Variants in UGGT1 observed in about 807,000 individuals in gnomAD.
The protein encoded by UGGT1 is UDP-glucose glycoprotein glucosyltransferase 1, also known as UDP-glucose:glycoprotein glucosyltransferase 1.
In UGGT1, 107 loss-of-function variants were observed where a neutral mutation model predicts 203.9. That is an observed-to-expected ratio of 0.52 (90% CI 0.45 to 0.62). UGGT1 has a LOEUF of 0.62. Among genes scored for constraint, UGGT1 ranks in the 20% least tolerant of loss-of-function variants. The probability of loss-of-function intolerance (pLI) is 0.00; values close to 1 mark genes in which losing one functional copy is unlikely to be tolerated. For synonymous variants in UGGT1, 628 were observed against 653.5 expected, an observed-to-expected ratio of 0.96 and a Z score of 0.59; for missense variants, 1,673 against 1,867.2, an observed-to-expected ratio of 0.90 and a Z score of 1.92.
chr2:128,132,496 C>T (rs1008483648), intron 13 of UGGT1, among the ~76,000 whole-genome samples: 3 of 152,122 alleles, frequency 2.0e-5, no homozygotes, highest in South Asian at 2.1e-4. Context: ...TTCAGTGAGC[C>T]GAGATTGCTC....
chr2:128,105,461 G>C (rs1204774196), intron 3 of UGGT1, among the ~76,000 whole-genome samples: 3 of 151,042 alleles, frequency 2.0e-5, no homozygotes, highest in Non-Finnish European at 1.5e-5. Flanking sequence ...TTACAGGCGT[G>C]AGTGACTGCA....
At chr2:128,118,920 T>A (rs1179882129) in intron 8 of UGGT1, among the ~76,000 whole-genome samples, 1 of 152,096 alleles carries the variant, frequency 6.6e-6, no homozygotes, top group Non-Finnish European at 1.5e-5. Flanking sequence ...TCTGCCCACC[T>A]TGGCCTCCCA....
chr2:128,132,205 CT>C lies in UGGT1; in HGVS notation c.1378-925del, dbSNP rs796930833. On this transcript the variant is annotated intron_variant, in intron 13 of 40. Transcript: ENST00000259253. ...GTTTCCGCTGTTTATTTTTCATATTCTTTTTTTTTTTCCGATTTTTTTTTAC... is the reference window on the plus strand; with the variant it reads ...GTTTCCGCTGTTTATTTTTCATATTCTTTTTTTTTTCCGATTTTTTTTTAC... Among the ~76,000 whole-genome samples, 1,374 of 145,374 alleles carry C rather than the reference CT, an allele frequency of 9.5e-3. 15 individuals carry two copies. Among genetic ancestry groups the C allele is most frequent in the African/African-American group, 0.03 (1,201 of 39,834 alleles).
chr2:128,134,661 C>G (rs1347357747), intron 14 of UGGT1, among the ~76,000 whole-genome samples: 1 of 152,166 alleles, frequency 6.6e-6, no homozygotes, highest in Non-Finnish European at 1.5e-5. Context: ...CCCTTGTTAT[C>G]AGCGTAAGTC....
chr2:128,111,693 C>T (rs1687858796), intron 5 of UGGT1, among the ~76,000 whole-genome samples: 1 of 151,924 alleles, frequency 6.6e-6, no homozygotes, highest in South Asian at 2.1e-4. Context: ...GACGGGGTTT[C>T]ACTGTGTTAG....
In UGGT1 at chr2:128,191,880, CTT is replaced by C. The variant is rs1341707315; in HGVS notation, c.*2141_*2142del. On this transcript the variant is annotated 3_prime_UTR_variant, in exon 41 of 41. Transcript: ENST00000259253. ...CAGAAAACAAACAAACAAAAAGAAA[CTT>C]TTGTTCAAGCTGCATCTTCACATTG... 1.3e-5 allele frequency: 2 copies of C among 152,256 alleles called. No homozygotes were observed. Among genetic ancestry groups the C allele is most frequent in the Admixed American group, 6.6e-5 (1 of 15,260 alleles). 9.4% of individuals were successfully genotyped at this position (152,256 alleles called of 1,614,324 possible). A position where few individuals can be genotyped will look rare whatever the true frequency, so the allele number is the denominator to read the frequency against.
In UGGT1 at chr2:128,190,541, T is replaced by G. The variant is rs1692210657; in HGVS notation, c.*799T>G. The G allele has an allele frequency of 6.6e-6, 1 of 152,228 alleles. No homozygotes were observed. Among genetic ancestry groups the G allele is most frequent in the African/African-American group, 2.4e-5 (1 of 41,458 alleles). The allele number at this position is 152,228 out of a possible 1,614,324, so 9.4% of individuals were successfully genotyped here. On this transcript the variant is annotated 3_prime_UTR_variant, in exon 41 of 41. Transcript: ENST00000259253. ...CAACCGCAGTGAACTTTCTAGGTAA[T>G]TGTTTTGAAAACAATTTTTGTATCT...
At chr2:128,125,264 C>A (rs1270456268) in intron 11 of UGGT1, among the ~76,000 whole-genome samples, 4 of 151,974 alleles carry the variant, frequency 2.6e-5, no homozygotes, top group African/African-American at 9.7e-5. Flanking sequence ...AGGGAATGAG[C>A]CTTCATTTTG....
chr2:128,162,603 G>A (rs1338639168), intron 25 of UGGT1, among the ~76,000 whole-genome samples: 3 of 152,090 alleles, frequency 2.0e-5, no homozygotes, highest in East Asian at 3.9e-4. Context: ...CAATACTGGG[G>A]CTACAAATAA....
In UGGT1 at chr2:128,127,443, A is replaced by G; in HGVS notation, c.1217A>G (p.Asp406Gly). ...CTTCACATGGATTTAGATACACAGG[A>G]TATATTCAGGTATGGATAATATTTT... ...NGLHMDLDTQ[D>G]IFSLFDVLRN... Residue 406 changes from aspartate to glycine, a missense_variant, in exon 12 of 41, where the codon GAT (aspartate) becomes GGT (glycine). By Grantham distance (94) the Asp-to-Gly change is moderately conservative. Transcript: ENST00000259253. 1.2e-6 allele frequency: 2 copies of G among 1,610,266 alleles called. No individual in the cohort carries two copies. Among genetic ancestry groups the G allele is most frequent in the Non-Finnish European group, 1.7e-6 (2 of 1,176,606 alleles).
chr2:128,097,352 G>A, intron 1 of UGGT1, 77 bp from the exon 2 acceptor site: 1 of 1,516,498 alleles, frequency 6.6e-7, no homozygotes, highest in Non-Finnish European at 8.8e-7. Flanking sequence ...TCCAGCCTGG[G>A]CGACAGGGCG....
intron 6 of UGGT1, 92 bp downstream of exon 6, chr2:128,113,350 A>G: frequency 9.2e-7 from 1 of 1,089,852 alleles, no homozygotes; most frequent in African/African-American, 1.6e-5. Context: ...TTTATAAAAA[A>G]ATCTAGTTAT....
intron 13 of UGGT1, among the ~76,000 whole-genome samples, chr2:128,131,775 A>G (rs1216995028): frequency 6.6e-6 from 1 of 151,912 alleles, no homozygotes; most frequent in Non-Finnish European, 1.5e-5. Context: ...CTACAGGCGC[A>G]CACCACCATG....
At position 128,193,101 on chromosome 2, in the gene UGGT1, C is replaced by G. The variant is rs1366510225; in HGVS notation, c.*3359C>G. Reference sequence around the variant, plus strand: ...CTGAGGCAGGAGAATCACTTGAACCCGGGAGGTGGAGGTTGCAGTGAGCCG... The same window carrying G: ...CTGAGGCAGGAGAATCACTTGAACCGGGGAGGTGGAGGTTGCAGTGAGCCG... On this transcript the variant is annotated 3_prime_UTR_variant, in exon 41 of 41. Transcript: ENST00000259253. 7.4e-6 allele frequency: 1 copy of G among 134,528 alleles called. No homozygotes were observed. The allele number at this position is 134,528 out of a possible 1,614,324, so 8.3% of individuals were successfully genotyped here.
chr2:128,165,863 G>A (rs1420642989), intron 26 of UGGT1, among the ~76,000 whole-genome samples: 1 of 152,068 alleles, frequency 6.6e-6, no homozygotes, highest in African/African-American at 2.4e-5. Context: ...CTGGGCTCAA[G>A]TGATCTTCCT....
chr2:128,111,182 G>A (rs9287542), intron 5 of UGGT1, among the ~76,000 whole-genome samples: 3,305 of 152,198 alleles, frequency 0.022, 97 homozygotes, highest in African/African-American at 0.074. Context: ...GTGAGACCCA[G>A]TTTCTCCAAA....
intron 8 of UGGT1, among the ~76,000 whole-genome samples, chr2:128,119,684 T>C (rs918931455): frequency 2.6e-5 from 4 of 152,326 alleles, no homozygotes; most frequent in African/African-American, 9.6e-5. Flanking sequence ...TTTTTTTCCC[T>C]TCAGTTTTAC....
At chr2:128,142,416 T>C (rs1270734156) in intron 16 of UGGT1, among the ~76,000 whole-genome samples, 1 of 148,316 alleles carries the variant, frequency 6.7e-6, no homozygotes. Context: ...AAACCCCGTC[T>C]CTACTAAAAA....
intron 2 of UGGT1, among the ~76,000 whole-genome samples, chr2:128,099,254 C>A (rs554435024): frequency 2.0e-5 from 3 of 152,100 alleles, no homozygotes; most frequent in Non-Finnish European, 2.9e-5. Context: ...AGCCATCCTC[C>A]CACCTAGGCC....
Sources: allele counts gnomAD v4.1 joint callset (sites outside exome capture counted in the v4.1 genomes callset), GRCh38; gene constraint gnomAD v4.1.1; transcripts MANE v1.5; gene names NCBI Gene and HGNC (gene_info 2026-07-23, HGNC 2026-07-21).